Variants in CDH23 observed in about 807,000 individuals in gnomAD.
The protein encoded by CDH23 is cadherin-23.
A neutral mutation model predicts 317.1 loss-of-function variants in CDH23; 189 were observed. The observed-to-expected ratio is 0.60, with a 90% CI of 0.53 to 0.67. The LOEUF is 0.67. Ranked by LOEUF, CDH23 falls within the 30% of genes least tolerant of loss-of-function variation. The probability of loss-of-function intolerance (pLI) is 0.00; values close to 1 mark genes in which losing one functional copy is unlikely to be tolerated. For synonymous variants in CDH23, 1,839 were observed against 1,876.8 expected, an observed-to-expected ratio of 0.98 and a Z score of 0.52; for missense variants, 4,401 against 4,592.4, an observed-to-expected ratio of 0.96 and a Z score of 1.20.
At position 71,760,445 on chromosome 10, in the gene CDH23, C is replaced by A. The variant is rs139376238; in HGVS notation, c.4846-17235C>A. 409 of 157,558 alleles carry A rather than the reference C, an allele frequency of 2.6e-3. 5 individuals are homozygous for A. The highest frequency in any genetic ancestry group is 7.0e-3 in the African/African-American group (291 of 41,622). 9.8% of individuals were successfully genotyped at this position (157,558 alleles called of 1,614,324 possible). ...CCTCTTCCTCCTCCCTCCCCTGCAA[C>A]AGAGAACATCTGAAGAACATAGAAA... On this transcript the variant is annotated intron_variant, in intron 38 of 69. Coordinates refer to ENST00000224721, the MANE Select transcript of CDH23 (RefSeq NM_022124.6).
chr10:71,739,561 G>A, intron 35 of CDH23, 83 bp from the exon 36 acceptor site: 1 of 1,521,658 alleles, frequency 6.6e-7, no homozygotes, highest in South Asian at 1.2e-5. Flanking sequence ...GTGGGCAGAG[G>A]AGGACCAGGG....
intron 3 of CDH23, among the ~76,000 whole-genome samples, chr10:71,501,482 A>G (rs962723908): frequency 2.0e-5 from 3 of 152,164 alleles, no homozygotes; most frequent in African/African-American, 7.2e-5. Context: ...GGGTGAGCCT[A>G]GAGGCCGCCT....
At chr10:71,527,772 C>T (rs1193577614) in intron 6 of CDH23, among the ~76,000 whole-genome samples, 1 of 152,192 alleles carries the variant, frequency 6.6e-6, no homozygotes, top group Non-Finnish European at 1.5e-5. Context: ...GGGACGATCA[C>T]AAACTTTATA....
intron 1 of CDH23, among the ~76,000 whole-genome samples, chr10:71,413,592 T>C (rs938102651): frequency 6.6e-6 from 1 of 152,232 alleles, no homozygotes; most frequent in African/African-American, 2.4e-5. Context: ...TGAACAATAG[T>C]ACTATCTTAA....
chr10:71,444,166 C>T (rs922064369), intron 2 of CDH23, among the ~76,000 whole-genome samples: 3 of 152,276 alleles, frequency 2.0e-5, no homozygotes, highest in African/African-American at 7.2e-5. Flanking sequence ...GCTGCAAAGG[C>T]AGCGTATTTA....
intron 11 of CDH23, among the ~76,000 whole-genome samples, chr10:71,637,103 C>T (rs1589284193): frequency 3.3e-5 from 5 of 152,136 alleles, no homozygotes; most frequent in Admixed American, 3.3e-4. Context: ...GTCCCCTTTG[C>T]CATGTCTGAT....
chr10:71,586,186 G>A (rs1193808010), intron 9 of CDH23, among the ~76,000 whole-genome samples: 1 of 152,216 alleles, frequency 6.6e-6, no homozygotes, highest in African/African-American at 2.4e-5. Flanking sequence ...GCTCTGTGGG[G>A]TTGGGGGGTT....
Position 71,790,422 on chromosome 10 carries a change from T to A in CDH23, c.6049+9T>A, listed in dbSNP as rs1841216117. The A allele has an allele frequency of 6.2e-7, 1 of 1,611,298 alleles. No homozygotes were observed. ...CATCAACAGCAGCACCGGTGAGGCC[T>A]CTGTGCCACCCAGCACTCCCAGCCT... On this transcript the variant is annotated intron_variant, in intron 46 of 69. Transcript: ENST00000224721.
chr10:71,798,282 G>C lies in CDH23; in HGVS notation c.6830-72G>C, dbSNP rs1841457823. 8.4e-6 allele frequency: 10 copies of C among 1,191,856 alleles called. No homozygotes were observed. In the South Asian group the frequency reaches 1.2e-4, roughly 15 times the overall value. The allele number at this position is 1,191,856 out of a possible 1,614,324, so 73.8% of individuals were successfully genotyped here. ...GCTGCCATGCTCACCCGGCTTGGCT[G>C]AGGCTAAGGAAGGCCTGGCCCAGCC... On this transcript the variant is annotated intron_variant, in intron 49 of 69. Coordinates refer to ENST00000224721, the MANE Select transcript of CDH23 (RefSeq NM_022124.6).
At chr10:71,471,140 G>A (rs1433904025) in intron 3 of CDH23, among the ~76,000 whole-genome samples, 6 of 147,568 alleles carry the variant, frequency 4.1e-5, no homozygotes, top group Admixed American at 2.7e-4. Context: ...TTAATTTTGC[G>A]GGTCTTTCAG....
At chr10:71,739,218 T>A (rs1839667692) in intron 35 of CDH23, among the ~76,000 whole-genome samples, 1 of 152,206 alleles carries the variant, frequency 6.6e-6, no homozygotes, top group Non-Finnish European at 1.5e-5. Context: ...TGACCTTGGC[T>A]GGTTGTTCCA....
At chr10:71,715,596 TGGCGAGCGAGGGTGCTGCTTCTA>T (rs1462140758) in intron 28 of CDH23, 7 of 222,412 alleles carry the variant, frequency 3.1e-5, no homozygotes, top group African/African-American at 6.8e-5. Context: ...AAGGCTTCTG[TGGCGAGCGAGGGTGCTGCTTCTA>T]GGAGGTGGTT....
intron 6 of CDH23, among the ~76,000 whole-genome samples, chr10:71,535,264 T>A (rs2132272304): frequency 6.6e-6 from 1 of 152,348 alleles, no homozygotes; most frequent in South Asian, 2.1e-4. Context: ...GCCTGTGTCT[T>A]GCTCCGGGCC....
chr10:71,575,457 G>C (rs1329204478), intron 8 of CDH23, among the ~76,000 whole-genome samples: 2 of 152,206 alleles, frequency 1.3e-5, no homozygotes, highest in Admixed American at 1.3e-4. Context: ...CTTACTCAAA[G>C]GATTCGAGCG....
chr10:71,736,186 G>T (rs965269304), intron 34 of CDH23, among the ~76,000 whole-genome samples: 1 of 152,346 alleles, frequency 6.6e-6, no homozygotes, highest in Non-Finnish European at 1.5e-5. Flanking sequence ...ACAGTGCTTT[G>T]CCCTCTTCCG....
Position 71,791,214 on chromosome 10 carries a change from G to A in CDH23, c.6132G>A (p.Glu2044=), listed in dbSNP as rs776924031. 2 of 1,613,696 alleles carry A rather than the reference G, an allele frequency of 1.2e-6. No homozygotes were observed. Among genetic ancestry groups the A allele is most frequent in the South Asian group, 2.2e-5 (2 of 90,992 alleles). ...PPILELLLLA[E]DIGLLNSTAH... Reference sequence around the variant, plus strand: ...TCCTGGAGCTGCTGCTGCTGGCTGAGGACATCGGGCTGCTCAACAGCACGG... The same window carrying A: ...TCCTGGAGCTGCTGCTGCTGGCTGAAGACATCGGGCTGCTCAACAGCACGG... The change falls in exon 47 of 70, where the codon GAG becomes GAA. Residue 2044 remains glutamate (E), a synonymous_variant. Transcript: ENST00000224721.
At chr10:71,460,466 G>A (rs958985341) in intron 3 of CDH23, among the ~76,000 whole-genome samples, 2 of 152,264 alleles carry the variant, frequency 1.3e-5, no homozygotes, top group African/African-American at 4.8e-5. Flanking sequence ...CCTTTGAAAG[G>A]ATAATTCAAG....
chr10:71,430,674 G>T (rs2011232), intron 1 of CDH23, among the ~76,000 whole-genome samples: 1 of 152,152 alleles, frequency 6.6e-6, no homozygotes, highest in African/African-American at 2.4e-5. Flanking sequence ...GCCTGGCCTG[G>T]TGGTGGGAGC....
chr10:71,676,499 C>T (rs1303770487), intron 15 of CDH23, among the ~76,000 whole-genome samples: 12 of 152,062 alleles, frequency 7.9e-5, no homozygotes, highest in South Asian at 6.2e-4. Flanking sequence ...TGGTGGCAGG[C>T]GCCTGTAGTC....
Sources: allele counts gnomAD v4.1 joint callset (sites outside exome capture counted in the v4.1 genomes callset), GRCh38; gene constraint gnomAD v4.1.1; transcripts MANE v1.5; gene names NCBI Gene and HGNC (gene_info 2026-07-23, HGNC 2026-07-21).